Variants in KLK1 observed in about 807,000 individuals in gnomAD.
KLK1 encodes kallikrein 1.
In KLK1, 22 loss-of-function variants were observed where a neutral mutation model predicts 23.3. That is an observed-to-expected ratio of 0.95 (90% CI 0.68 to 1.35). KLK1 has a LOEUF of 1.35. Among genes scored for constraint, KLK1 ranks in the 40% most tolerant of loss-of-function variants. The pLI is 0.00. For synonymous variants in KLK1, 140 were observed against 135.8 expected, an observed-to-expected ratio of 1.03 and a Z score of -0.21; for missense variants, 301 against 338.9, an observed-to-expected ratio of 0.89 and a Z score of 0.88.
intron 1 of KLK1, chr19:50,822,286 T>C (rs1273946601): frequency 2.0e-6 from 2 of 995,432 alleles, no homozygotes; most frequent in South Asian, 4.6e-5. Context: ...AGAGGCTCAC[T>C]GAGGAAGAAT....
rs759407690 is a variant in KLK1 at position 50,820,039 on chromosome 19, C to G, written c.497-4G>C. On this transcript the variant is annotated splice_polypyrimidine_tract_variant and splice_region_variant and intron_variant, in intron 3 of 4. Coordinates refer to ENST00000301420, the MANE Select transcript of KLK1 (RefSeq NM_002257.4). ...TGGAGATCATCTGGAAATGAGACTA[C>G]GAACCCGGGAGAAAAAGGGCTGCAG... is the stretch of plus-strand genomic sequence containing the variant. 2.5e-6 allele frequency: 4 copies of G among 1,613,936 alleles called. No individual in the cohort carries two copies. Among genetic ancestry groups the G allele is most frequent in the Non-Finnish European group, 3.4e-6 (4 of 1,179,908 alleles).
intron 2 of KLK1, chr19:50,820,877 G>A (rs979987986): frequency 2.0e-5 from 3 of 152,754 alleles, no homozygotes; most frequent in African/African-American, 7.3e-5. Context: ...ACTAGAAACA[G>A]AGGCAGAGAG....
Position 50,821,415 on chromosome 19 carries a change from CAG to C in KLK1, c.206+295_206+296del, listed in dbSNP as rs1340181816. ...GTGACAGAGATGCCGCAGAGAGACT[CAG>C]AGACAGACAGAGACAGGGGAGATGC... On this transcript the variant is annotated intron_variant, in intron 2 of 4. Coordinates refer to ENST00000301420, the MANE Select transcript of KLK1 (RefSeq NM_002257.4). The surrounding 1 kb of genome is among the most constrained non-coding windows in gnomAD (Gnocchi z 5.6). 6.6e-6 allele frequency among the ~76,000 whole-genome samples: 1 copy of C among 152,074 alleles called. No homozygotes were observed. The highest frequency in any genetic ancestry group is 1.5e-5 in the Non-Finnish European group (1 of 68,012).
chr19:50,822,883 G>A (rs977600139), intron 1 of KLK1: 14 of 985,084 alleles, frequency 1.4e-5, no homozygotes, highest in Non-Finnish European at 1.4e-5. Context: ...TGACTTGGGG[G>A]AGGCCAGGGC....
intron 1 of KLK1, chr19:50,822,162 T>G: frequency 9.0e-7 from 1 of 1,114,254 alleles, no homozygotes. Context: ...AGACACTGCA[T>G]CTGGGCGTCA....
At position 50,821,592 on chromosome 19, in the gene KLK1, GC is replaced by G; in HGVS notation, c.206+119del. The stretch of plus-strand genomic sequence containing the variant: ...GCCCTGCCAGGCGACCTGCGCCAGA[GC>G]CTTCCTCTCTGCCTCAGCCCCCCAG... On this transcript the variant is annotated intron_variant, in intron 2 of 4. Transcript: ENST00000301420. The surrounding 1 kb of genome is among the most constrained non-coding windows in gnomAD (Gnocchi z 5.6). The G allele has an allele frequency of 1.5e-6, 2 of 1,358,138 alleles. No homozygotes were observed. Among genetic ancestry groups the G allele is most frequent in the Non-Finnish European group, 1.9e-6 (2 of 1,029,068 alleles). The allele number at this position is 1,358,138 out of a possible 1,614,324, so 84.1% of individuals were successfully genotyped here.
chr19:50,821,941 G>C lies in KLK1; in HGVS notation c.47-70C>G. 6.5e-7 allele frequency: 1 copy of C among 1,539,036 alleles called. No individual in the cohort carries two copies. The highest frequency in any genetic ancestry group is 8.8e-7 in the Non-Finnish European group (1 of 1,142,042). On this transcript the variant is annotated intron_variant, in intron 1 of 4. Transcript: ENST00000301420. This position sits in a 1 kb window ranked among gnomAD's most constrained non-coding sequence, Gnocchi z 5.6. ...AGGCCAGGGACAAGGCTAGGAGAGG[G>C]AGCTGGGCTGTGGGTCTGAAGGGAC...
rs149911119 is a variant in KLK1, at chr19:50,820,680, CAG to C, written c.207-239_207-238del. On this transcript the variant is annotated intron_variant, in intron 2 of 4. Coordinates refer to ENST00000301420, the MANE Select transcript of KLK1 (RefSeq NM_002257.4). ...CAGAGCAAAAAAGAGCTCAAAAGGA[CAG>C]AGGGGTGAAAAAGGCGGAGGGGAGG... is the stretch of plus-strand genomic sequence containing the variant. The C allele has an allele frequency of 2.5e-3, 1,014 of 412,242 alleles. 28 individuals are homozygous for C. In the East Asian group the frequency reaches 0.039, roughly 16 times the overall value. The allele number at this position is 412,242 out of a possible 1,614,324, so 25.5% of individuals were successfully genotyped here.
chr19:50,822,220 G>A (rs1020485127), intron 1 of KLK1: 101 of 1,031,682 alleles, frequency 9.8e-5, no homozygotes, highest in Non-Finnish European at 1.1e-4. Context: ...TGGGTTAGGG[G>A]AGTGGAAAGG....
chr19:50,820,478 G>A (rs900862610), intron 2 of KLK1, 35 bp from the exon 3 acceptor site: 16 of 1,463,782 alleles, frequency 1.1e-5, no homozygotes, highest in Non-Finnish European at 1.4e-5. Flanking sequence ...ATGAGAAGAC[G>A]GGAAGGGGAA....
At chr19:50,822,548 T>C (rs1453330317) in intron 1 of KLK1, 3 of 985,210 alleles carry the variant, frequency 3.0e-6, no homozygotes, top group Admixed American at 6.2e-5. Context: ...GAGGTGGGCT[T>C]CCGAGAGGTT....
At chr19:50,819,412 G>T in intron 4 of KLK1, 63 bp from the exon 5 acceptor site, 1 of 1,517,828 alleles carries the variant, frequency 6.6e-7, no homozygotes. Context: ...TCTGCCTGGG[G>T]AGCCCCAGCT....
At chr19:50,822,803 G>C in intron 1 of KLK1, 2 of 980,810 alleles carry the variant, frequency 2.0e-6, no homozygotes, top group African/African-American at 1.7e-5. Context: ...GAAGTGGTGA[G>C]AACAGGCGCC....
Position 50,820,378 on chromosome 19 carries a change from T to C in KLK1, c.272A>G (p.His91Arg). Residue 91 changes from histidine to arginine, a missense_variant, in exon 3 of 5, where the codon CAT becomes CGT. Coordinates refer to ENST00000301420, the MANE Select transcript of KLK1 (RefSeq NM_002257.4). ...FDDENTAQFV[H>R]VSESFPHPGF... ...AGGGTGTGGGAAGCTCTCACTGACA[T>C]GAACAAACTGGGCTGTGTTTTCGTC... The C allele has an allele frequency of 6.2e-7, 1 of 1,613,672 alleles. No homozygotes were observed. The highest frequency in any genetic ancestry group is 8.5e-7 in the Non-Finnish European group (1 of 1,179,972).
intron 1 of KLK1, chr19:50,822,621 A>C (rs1349392741): frequency 5.1e-6 from 5 of 985,162 alleles, no homozygotes; most frequent in Non-Finnish European, 6.0e-6. Flanking sequence ...CTGAGAACAC[A>C]GTTGCGGTCA....
chr19:50,823,173 G>A (rs2089838513), intron 1 of KLK1, among the ~76,000 whole-genome samples: 1 of 152,146 alleles, frequency 6.6e-6, no homozygotes, highest in Non-Finnish European at 1.5e-5. Flanking sequence ...GGGGACCCTG[G>A]AAGGACTGGG....
chr19:50,822,079 G>T (rs2089831848), intron 1 of KLK1: 1 of 1,352,848 alleles, frequency 7.4e-7, no homozygotes, highest in African/African-American at 1.5e-5. Context: ...GGACCTGGTG[G>T]GGAGATTTTG....
chr19:50,819,403 C>A, intron 4 of KLK1, 54 bp from the exon 5 acceptor site: 1 of 1,538,446 alleles, frequency 6.5e-7, no homozygotes, highest in South Asian at 1.2e-5. Context: ...GGCCCAAGTT[C>A]TGCCTGGGGA....
chr19:50,822,774 TC>T lies in KLK1; in HGVS notation c.47-904del, dbSNP rs2089835812. The T allele has an allele frequency of 6.1e-6, 6 of 984,672 alleles. No homozygotes were observed. The South Asian group carries it at 2.8e-4, about 46-fold the overall frequency. The allele number at this position is 984,672 out of a possible 1,614,324, so 61.0% of individuals were successfully genotyped here. On this transcript the variant is annotated intron_variant, in intron 1 of 4. Transcript: ENST00000301420. ...GGATATGGGGTCCTCTTGGAGGCAA[TC>T]CTAGGAAGAGGATTGGAGAAGTGGT...
Sources: allele counts gnomAD v4.1 joint callset (sites outside exome capture counted in the v4.1 genomes callset), GRCh38; gene constraint gnomAD v4.1.1; non-coding constraint Gnocchi (gnomAD v3.1); transcripts MANE v1.5; gene names NCBI Gene and HGNC (gene_info 2026-07-23, HGNC 2026-07-21).